Variants in SLC39A8 observed in about 807,000 individuals in gnomAD.
SLC39A8 encodes metal cation symporter ZIP8.
Under a neutral mutation model 40.4 loss-of-function variants are expected in SLC39A8, and 15 were observed. The ratio of observed to expected loss-of-function variants is 0.37; its 90% CI spans 0.25 to 0.57. The LOEUF (loss-of-function observed/expected upper bound fraction) is 0.57, where lower values mean the gene tolerates loss of function less well. Among genes scored for constraint, SLC39A8 ranks in the 20% least tolerant of loss-of-function variants. The pLI is 0.75. For synonymous variants in SLC39A8, 223 were observed against 221.6 expected (o/e 1.01, Z -0.06); for missense variants, 472 against 558.8 (o/e 0.84, Z 1.57).
intron 6 of SLC39A8, among the ~76,000 whole-genome samples, chr4:102,283,081 C>G (rs145872112): frequency 9.2e-5 from 14 of 152,290 alleles, no homozygotes; most frequent in African/African-American, 2.9e-4. Context: ...TGTGGACTTA[C>G]ATATTTTTTC....
At chr4:102,336,405 T>C (rs1293869488) in intron 2 of SLC39A8, among the ~76,000 whole-genome samples, 1 of 152,238 alleles carries the variant, frequency 6.6e-6, no homozygotes, top group Admixed American at 6.5e-5. Context: ...TTATGCTGTA[T>C]TCTCTAAGAT....
chr4:102,340,529 A>G (rs1735896258), intron 2 of SLC39A8, among the ~76,000 whole-genome samples: 1 of 152,180 alleles, frequency 6.6e-6, no homozygotes, highest in African/African-American at 2.4e-5. Flanking sequence ...TAAGATTGGA[A>G]CTGTGACAAA....
chr4:102,318,591 G>A (rs1734762144), intron 2 of SLC39A8, among the ~76,000 whole-genome samples: 1 of 152,098 alleles, frequency 6.6e-6, no homozygotes, highest in Non-Finnish European at 1.5e-5. Flanking sequence ...CTCCCAGAGT[G>A]GGAACAAACA....
intron 6 of SLC39A8, among the ~76,000 whole-genome samples, chr4:102,278,248 G>A (rs1261709622): frequency 2.6e-5 from 4 of 151,868 alleles, no homozygotes; most frequent in Admixed American, 2.6e-4. Flanking sequence ...TCTGACAAAG[G>A]GCTAATATCC....
intron 6 of SLC39A8, among the ~76,000 whole-genome samples, chr4:102,268,755 C>T (rs1275650711): frequency 3.3e-5 from 5 of 152,166 alleles, no homozygotes; most frequent in African/African-American, 1.2e-4. Context: ...ATGGAACAGG[C>T]TAGCCTTTAC....
At chr4:102,335,602 C>T (rs1735632062) in intron 2 of SLC39A8, among the ~76,000 whole-genome samples, 1 of 152,284 alleles carries the variant, frequency 6.6e-6, no homozygotes, top group Non-Finnish European at 1.5e-5. Context: ...TGATGCCAAT[C>T]TGGGGCAAAA....
At chr4:102,311,920 A>T (rs1348310594) in intron 3 of SLC39A8, among the ~76,000 whole-genome samples, 1 of 152,100 alleles carries the variant, frequency 6.6e-6, no homozygotes, top group East Asian at 1.9e-4. Context: ...TAATTATTTT[A>T]AAATGTTTTT....
At chr4:102,254,205 T>A (rs1219232005) in intron 11 of SLC39A8, among the ~76,000 whole-genome samples, 1 of 152,188 alleles carries the variant, frequency 6.6e-6, no homozygotes. Context: ...CAATTACTAT[T>A]GAGCTGACTG....
intron 6 of SLC39A8, among the ~76,000 whole-genome samples, chr4:102,302,366 A>G (rs2149031699): frequency 6.6e-6 from 1 of 152,082 alleles, no homozygotes; most frequent in Non-Finnish European, 1.5e-5. Context: ...TTCAACCACA[A>G]TCTCACTATA....
intron 6 of SLC39A8, among the ~76,000 whole-genome samples, chr4:102,285,573 C>A (rs796304869): frequency 3.4e-4 from 52 of 151,948 alleles, no homozygotes; most frequent in African/African-American, 1.2e-3. Context: ...AAATTTACCT[C>A]AGACACAAAA....
intron 8 of SLC39A8, among the ~76,000 whole-genome samples, chr4:102,264,420 GC>G (rs1440732873): frequency 2.6e-5 from 4 of 152,186 alleles, no homozygotes; most frequent in African/African-American, 9.7e-5. Flanking sequence ...ACTAAACCAT[GC>G]TGTAAACAGA....
chr4:102,298,706 G>A (rs1460028629), intron 6 of SLC39A8, among the ~76,000 whole-genome samples: 2 of 152,004 alleles, frequency 1.3e-5, no homozygotes, highest in Non-Finnish European at 2.9e-5. Flanking sequence ...AAACTGCAAG[G>A]ACAGGAGGAA....
intron 2 of SLC39A8, among the ~76,000 whole-genome samples, chr4:102,338,032 A>C (rs1004432153): frequency 2.0e-4 from 30 of 152,012 alleles, no homozygotes; most frequent in African/African-American, 6.8e-4. Context: ...TTCCAACCCC[A>C]AAAAATCCCT....
At chr4:102,266,780 G>C (rs1732119298) in intron 8 of SLC39A8, among the ~76,000 whole-genome samples, 6 of 151,998 alleles carry the variant, frequency 3.9e-5, no homozygotes. Flanking sequence ...GCTAATTTTT[G>C]TAGTTTCAGT....
intron 2 of SLC39A8, among the ~76,000 whole-genome samples, chr4:102,330,328 G>T (rs1356084497): frequency 2.6e-5 from 4 of 152,112 alleles, no homozygotes; most frequent in Admixed American, 6.5e-5. Context: ...TATTAAAAAT[G>T]ATAAAGGGGA....
chr4:102,282,536 C>A (rs890329167), intron 6 of SLC39A8, among the ~76,000 whole-genome samples: 2 of 151,932 alleles, frequency 1.3e-5, no homozygotes, highest in East Asian at 3.9e-4. Flanking sequence ...AATCTCCTGG[C>A]AGGACAAGAT....
intron 4 of SLC39A8, among the ~76,000 whole-genome samples, chr4:102,307,154 G>A (rs925173544): frequency 1.3e-5 from 2 of 152,080 alleles, no homozygotes; most frequent in African/African-American, 4.8e-5. Context: ...TTTGCCAAGT[G>A]CAAGGCAGAA....
At chr4:102,336,783 T>C (rs1735688419) in intron 2 of SLC39A8, among the ~76,000 whole-genome samples, 1 of 152,232 alleles carries the variant, frequency 6.6e-6, no homozygotes, top group Non-Finnish European at 1.5e-5. Context: ...GGTAATTCGA[T>C]GAAAGGTTCA....
At chr4:102,293,431 A>C (rs1043881201) in intron 6 of SLC39A8, among the ~76,000 whole-genome samples, 3 of 152,022 alleles carry the variant, frequency 2.0e-5, no homozygotes, top group African/African-American at 7.2e-5. Context: ...ATTAGAAAAC[A>C]AATTAAAAAG....
Sources: gnomAD v4.1 joint callset for allele counts (sites outside exome capture counted in the v4.1 genomes callset) on GRCh38, gnomAD v4.1.1 for gene constraint, MANE v1.5 for transcripts, NCBI Gene and HGNC (gene_info 2026-07-23, HGNC 2026-07-21) for gene names.